VWA8: variants seen among roughly 807,000 people sequenced by gnomAD.
VWA8 encodes von Willebrand factor A domain-containing protein 8.
A neutral mutation model predicts 241.5 loss-of-function variants in VWA8; 221 were observed. The observed-to-expected ratio is 0.91, with a 90% CI of 0.82 to 1.02. The LOEUF is 1.02. Among genes scored for constraint, VWA8 ranks in the 50% least tolerant of loss-of-function variants. The pLI is 0.00. For synonymous variants in VWA8, 852 were observed against 827.1 expected (o/e 1.03, Z -0.52); for missense variants, 2,322 against 2,328.7 (o/e 1.00, Z 0.06).
chr13:41,568,191 C>A lies in VWA8; in HGVS notation c.*6G>T. On this transcript the variant is annotated 3_prime_UTR_variant, in exon 45 of 45. Coordinates refer to ENST00000379310, the MANE Select transcript of VWA8 (RefSeq NM_015058.2). ...CTGGTGTCATCAGGGTGATGAAGGG[C>A]ACTTCTTAGACACTCGACAACATGG... 6.2e-7 allele frequency: 1 copy of A among 1,608,614 alleles called. No individual in the cohort carries two copies. Among genetic ancestry groups the A allele is most frequent in the Non-Finnish European group, 8.5e-7 (1 of 1,175,250 alleles).
chr13:41,604,375 TTTAA>T (rs1378419911), intron 40 of VWA8, among the ~76,000 whole-genome samples: 1 of 152,136 alleles, frequency 6.6e-6, no homozygotes, highest in African/African-American at 2.4e-5. Context: ...TAGACATCTG[TTTAA>T]TTATTATAAA....
intron 2 of VWA8, among the ~76,000 whole-genome samples, chr13:41,920,109 C>T (rs1876444202): frequency 6.6e-6 from 1 of 152,180 alleles, no homozygotes; most frequent in South Asian, 2.1e-4. Context: ...CAGTGCTGCA[C>T]CTGGCTGCAC....
chr13:41,903,991 C>T (rs989174952), intron 4 of VWA8, among the ~76,000 whole-genome samples: 2 of 152,138 alleles, frequency 1.3e-5, no homozygotes, highest in African/African-American at 4.8e-5. Flanking sequence ...CAGTAAATAA[C>T]AGATGCTCAT....
intron 44 of VWA8, 44 bp from the exon 45 acceptor site, chr13:41,568,349 G>A: frequency 1.3e-6 from 2 of 1,545,532 alleles, no homozygotes; most frequent in Non-Finnish European, 1.8e-6. Context: ...TGTAAATGGG[G>A]CTCCCTTCCA....
At chr13:41,602,633 G>A (rs1294911142) in intron 40 of VWA8, among the ~76,000 whole-genome samples, 1 of 152,148 alleles carries the variant, frequency 6.6e-6, no homozygotes, top group African/African-American at 2.4e-5. Flanking sequence ...ATCTTAGCAA[G>A]TACAATGAAG....
intron 13 of VWA8, among the ~76,000 whole-genome samples, 170 bp from the exon 14 acceptor site, chr13:41,830,812 C>T (rs1212733828): frequency 6.6e-6 from 1 of 151,938 alleles, no homozygotes; most frequent in East Asian, 1.9e-4. Context: ...TTACACTTCG[C>T]AAAACTGTTG....
At chr13:41,903,961 G>T (rs1875579560) in intron 4 of VWA8, among the ~76,000 whole-genome samples, 1 of 152,166 alleles carries the variant, frequency 6.6e-6, no homozygotes, top group South Asian at 2.1e-4. Flanking sequence ...GGCTCCGAAG[G>T]TATCAGTGGG....
At chr13:41,944,108 A>AAATAATAATAATAATAATAAT (rs3074010) in intron 2 of VWA8, among the ~76,000 whole-genome samples, 1 of 146,498 alleles carries the variant, frequency 6.8e-6, no homozygotes, top group African/African-American at 2.5e-5. Flanking sequence ...CTGTCTCAAA[A>AAATAATAATAATAATAATAAT]AATAATAATA....
At chr13:41,928,167 C>A (rs1167121408) in intron 2 of VWA8, among the ~76,000 whole-genome samples, 1 of 152,090 alleles carries the variant, frequency 6.6e-6, no homozygotes, top group African/African-American at 2.4e-5. Context: ...GACTTCAATT[C>A]TCAATTTTCA....
At chr13:41,890,065 T>C (rs560662536) in intron 5 of VWA8, among the ~76,000 whole-genome samples, 18 of 152,364 alleles carry the variant, frequency 1.2e-4, no homozygotes, top group Middle Eastern at 3.4e-3. Flanking sequence ...GAACAAGATG[T>C]TCCATGAATA....
chr13:41,830,897 A>T (rs1230872756), intron 13 of VWA8, among the ~76,000 whole-genome samples: 1 of 152,102 alleles, frequency 6.6e-6, no homozygotes, highest in Non-Finnish European at 1.5e-5. Flanking sequence ...GGAAAAAAGA[A>T]AAGAGGAGGA....
intron 1 of VWA8, among the ~76,000 whole-genome samples, chr13:41,953,100 C>T: frequency 6.6e-6 from 1 of 152,108 alleles, no homozygotes; most frequent in East Asian, 1.9e-4. Flanking sequence ...AATGCACAAT[C>T]ACATCTAGAT....
intron 9 of VWA8, among the ~76,000 whole-genome samples, chr13:41,880,198 A>G (rs1469317636): frequency 1.3e-5 from 2 of 152,242 alleles, no homozygotes; most frequent in African/African-American, 4.8e-5. Flanking sequence ...CAATTTCCAT[A>G]GTTTTATATA....
Position 41,678,950 on chromosome 13 carries a change from G to A in VWA8, c.4328-3654C>T, listed in dbSNP as rs552755501. ...TTGATGTTTACTGATTTGAAAATAA[G>A]TCAGCTCAGAAGAAAAGAATATTTA... is the stretch of plus-strand genomic sequence containing the variant. On this transcript the variant is annotated intron_variant, in intron 35 of 44. Coordinates refer to ENST00000379310, the MANE Select transcript of VWA8 (RefSeq NM_015058.2). Among the ~76,000 whole-genome samples the A allele has an allele frequency of 5.3e-5, 8 of 152,298 alleles. No homozygotes were observed. The South Asian group carries it at 1.7e-3, about 32-fold the overall frequency.
rs756918775 is a variant in VWA8 at position 41,960,928 on chromosome 13, C to A, written c.88G>T (p.Val30Leu). 2.0e-6 allele frequency: 3 copies of A among 1,493,550 alleles called. No individual in the cohort carries two copies. Among genetic ancestry groups the A allele is most frequent in the Non-Finnish European group, 2.7e-6 (3 of 1,128,946 alleles). 92.5% of individuals were successfully genotyped at this position (1,493,550 alleles called of 1,614,324 possible). A position where few individuals can be genotyped will look rare whatever the true frequency, so the allele number is the denominator to read the frequency against. Residue 30 changes from valine to leucine, a missense_variant, in exon 1 of 45, where the codon GTG becomes TTG. Transcript: ENST00000379310. ...RRMRLLLRQVVQRRPGGDRQR... is the reference protein window; with the variant it reads ...RRMRLLLRQVLQRRPGGDRQR... ...CTGTCGCCACCCGGCCTGCGCTGCACCACCTGCCGCAGGAGCAGCCGCATG... is the reference window on the plus strand; with the variant it reads ...CTGTCGCCACCCGGCCTGCGCTGCAACACCTGCCGCAGGAGCAGCCGCATG...
chr13:41,783,762 G>T, intron 19 of VWA8, 33 bp downstream of exon 19: 1 of 1,500,660 alleles, frequency 6.7e-7, no homozygotes, highest in South Asian at 1.2e-5. Context: ...CAATTTAAGT[G>T]ATTTATCCAA....
At chr13:41,610,218 T>C (rs533372646) in intron 39 of VWA8, among the ~76,000 whole-genome samples, 1 of 152,380 alleles carries the variant, frequency 6.6e-6, no homozygotes, top group South Asian at 2.1e-4. Flanking sequence ...ATGGGTACTT[T>C]ATAATTCATA....
intron 21 of VWA8, 52 bp downstream of exon 21, chr13:41,761,076 A>C: frequency 1.9e-6 from 3 of 1,564,838 alleles, no homozygotes; most frequent in Non-Finnish European, 2.6e-6. Flanking sequence ...ACCAGGAGGG[A>C]AACAAATGAT....
At chr13:41,638,300 T>C (rs556099220) in intron 37 of VWA8, among the ~76,000 whole-genome samples, 1 of 152,352 alleles carries the variant, frequency 6.6e-6, no homozygotes, top group Admixed American at 6.5e-5. Context: ...GAACTCATTC[T>C]ATTTTTCTAC....
Sources: allele counts gnomAD v4.1 joint callset (sites outside exome capture counted in the v4.1 genomes callset), GRCh38; gene constraint gnomAD v4.1.1; transcripts MANE v1.5; gene names NCBI Gene and HGNC (gene_info 2026-07-23, HGNC 2026-07-21).